Variants in CHMP6 observed in about 807,000 individuals in gnomAD.
CHMP6 encodes the protein chromatin-modifying protein 6.
CHMP6 carries 10 observed loss-of-function variants against 32.8 expected under a neutral mutation model. The ratio of observed to expected loss-of-function variants is 0.30; its 90% CI spans 0.19 to 0.52. The LOEUF is 0.52. Among genes scored for constraint, CHMP6 ranks in the 20% least tolerant of loss-of-function variants. CHMP6 has a pLI of 0.97. For missense variants in CHMP6, 269 were observed against 263.8 expected (o/e 1.02, Z -0.14); for synonymous variants, 123 against 105.8 (o/e 1.16, Z -1.00).
chr17:80,994,992 G>A (rs371377015), intron 2 of CHMP6, 27 bp from the exon 3 acceptor site: 44 of 1,571,742 alleles, frequency 2.8e-5, no homozygotes, highest in African/African-American at 2.3e-4. Flanking sequence ...GGGCCACAGC[G>A]GGTCACTCTC....
At chr17:80,998,289 G>A (rs1426364826) in intron 6 of CHMP6, 77 bp from the exon 7 acceptor site, 27 of 1,516,442 alleles carry the variant, frequency 1.8e-5, no homozygotes, top group African/African-American at 5.5e-5. Flanking sequence ...GACAGGATCC[G>A]TGTCCTCTCG....
intron 6 of CHMP6, among the ~76,000 whole-genome samples, chr17:80,997,767 T>A (rs953945375): frequency 1.3e-5 from 2 of 152,128 alleles, no homozygotes; most frequent in Non-Finnish European, 2.9e-5. Flanking sequence ...TGTGGGCCCC[T>A]GCCTCAGTCC....
Position 80,994,606 on chromosome 17 carries a change from T to C in CHMP6, c.89T>C (p.Leu30Pro). ...ILQLKQQRDK[L>P]RQYQKRIAQQ... ...CAACTGAAGCAGCAGCGGGACAAGC[T>C]GAGGCAGTACCAGAAGAGGATCGCC... The change falls in exon 2 of 8, where the codon CTG becomes CCG. Residue 30 changes from leucine to proline, a missense_variant. Coordinates refer to ENST00000325167, the MANE Select transcript of CHMP6 (RefSeq NM_024591.5). The C allele has an allele frequency of 6.3e-7, 1 of 1,583,122 alleles. No homozygotes were observed.
rs2069667380 is a variant in CHMP6 at position 80,999,457 on chromosome 17, T to C, written c.*304T>C. 1 of 399,194 alleles carries C rather than the reference T, an allele frequency of 2.5e-6. No homozygotes were observed. Among genetic ancestry groups the C allele is most frequent in the Non-Finnish European group, 4.7e-6 (1 of 213,516 alleles). 24.7% of individuals were successfully genotyped at this position (399,194 alleles called of 1,614,324 possible). ...CCCAGGCCCAACGCCTCTGGTGCTG[T>C]TCCCCTGCAGTCCCAGCCCCGCGTG... is the stretch of plus-strand genomic sequence containing the variant. On this transcript the variant is annotated 3_prime_UTR_variant, in exon 8 of 8. Transcript: ENST00000325167.
At chr17:80,998,983 C>G (rs2069662700) in intron 7 of CHMP6, 115 bp from the exon 8 acceptor site, 2 of 1,212,502 alleles carry the variant, frequency 1.6e-6, no homozygotes, top group Non-Finnish European at 2.4e-6. Context: ...GCGTGCCCTT[C>G]CCTAGTGCGA....
In CHMP6 at chr17:80,991,988, G is replaced by T. The variant is rs1473080776; in HGVS notation, c.63+7G>T. ...GCAGGACAAGGCCATCCTGGTGAGGGCCCGGGCCCGGGGTCAGGGCTGGGG... is the reference window on the plus strand; with the variant it reads ...GCAGGACAAGGCCATCCTGGTGAGGTCCCGGGCCCGGGGTCAGGGCTGGGG... On this transcript the variant is annotated splice_region_variant and intron_variant, in intron 1 of 7. Transcript: ENST00000325167. 1 of 1,419,056 alleles carries T rather than the reference G, an allele frequency of 7.0e-7. No homozygotes were observed. Among genetic ancestry groups the T allele is most frequent in the Non-Finnish European group, 9.3e-7 (1 of 1,074,656 alleles). The allele number at this position is 1,419,056 out of a possible 1,614,324, so 87.9% of individuals were successfully genotyped here.
At chr17:80,992,690 G>C (rs1464864042) in intron 1 of CHMP6, among the ~76,000 whole-genome samples, 1 of 152,184 alleles carries the variant, frequency 6.6e-6, no homozygotes, top group African/African-American at 2.4e-5. Context: ...GGCCGGTGGT[G>C]GTGCCTTTTC....
intron 6 of CHMP6, among the ~76,000 whole-genome samples, chr17:80,997,596 T>C (rs2069650261): frequency 6.6e-6 from 1 of 152,088 alleles, no homozygotes; most frequent in Non-Finnish European, 1.5e-5. Flanking sequence ...CTCGGCCCCT[T>C]TCTGTCCCCG....
chr17:80,999,421 G>A lies in CHMP6; in HGVS notation c.*268G>A, dbSNP rs1461965930. 2.4e-5 allele frequency: 11 copies of A among 461,110 alleles called. No homozygotes were observed. The highest frequency in any genetic ancestry group is 8.1e-5 in the East Asian group (2 of 24,566). 28.6% of individuals were successfully genotyped at this position (461,110 alleles called of 1,614,324 possible). A position where few individuals can be genotyped will look rare whatever the true frequency, so the allele number is the denominator to read the frequency against. The stretch of plus-strand genomic sequence containing the variant: ...GCTTCTGCCGGTTGTGGGCTCCCCC[G>A]GTGGCCGAGGCCCAGGCCCAACGCC... On this transcript the variant is annotated 3_prime_UTR_variant, in exon 8 of 8. Transcript: ENST00000325167.
At chr17:80,997,386 AC>A in intron 6 of CHMP6, 45 bp downstream of exon 6, 1 of 1,545,982 alleles carries the variant, frequency 6.5e-7, no homozygotes, top group Non-Finnish European at 8.9e-7. Context: ...AGGCAGCGGG[AC>A]CCCCAGAGCT....
chr17:80,996,955 G>T lies in CHMP6; in HGVS notation c.349-52G>T, dbSNP rs577285126. ...AGAGCCCAGGAGGCCTCTGTCGGGGGTCTACCATTGGCCTCGCGACAGGGG... is the reference window on the plus strand; with the variant it reads ...AGAGCCCAGGAGGCCTCTGTCGGGGTTCTACCATTGGCCTCGCGACAGGGG... On this transcript the variant is annotated intron_variant, in intron 4 of 7. Coordinates refer to ENST00000325167, the MANE Select transcript of CHMP6 (RefSeq NM_024591.5). The T allele has an allele frequency of 1.3e-5, 21 of 1,565,006 alleles. 1 individual carries two copies. The highest frequency in any genetic ancestry group is 9.1e-5 in the East Asian group (4 of 44,148).
At chr17:80,992,096 CTG>C in intron 1 of CHMP6, 115 bp downstream of exon 1, 1 of 678,834 alleles carries the variant, frequency 1.5e-6, no homozygotes, top group Non-Finnish European at 2.0e-6. Context: ...GATGGGGAAA[CTG>C]AGGCGCAGCG....
chr17:80,994,496 C>A, intron 1 of CHMP6, 85 bp from the exon 2 acceptor site: 1 of 1,261,154 alleles, frequency 7.9e-7, no homozygotes. Flanking sequence ...CGGAGGGCCG[C>A]CCGGCCTCCA....
intron 7 of CHMP6, chr17:80,998,785 C>T (rs1197863736): frequency 1.1e-6 from 1 of 927,716 alleles, no homozygotes; most frequent in South Asian, 1.8e-5. Context: ...CCAACCTGCC[C>T]ACTGGGAAGC....
intron 1 of CHMP6, 96 bp from the exon 2 acceptor site, chr17:80,994,485 A>G (rs1240322114): frequency 9.0e-7 from 1 of 1,114,656 alleles, no homozygotes; most frequent in Non-Finnish European, 1.3e-6. Context: ...AAGGACACTC[A>G]CGGAGGGCCG....
chr17:80,997,064 T>C lies in CHMP6; in HGVS notation c.406T>C (p.Tyr136His), dbSNP rs1406323010. 6.2e-7 allele frequency: 1 copy of C among 1,613,316 alleles called. No homozygotes were observed. The highest frequency in any genetic ancestry group is 8.5e-7 in the Non-Finnish European group (1 of 1,179,838). ...ILDETQEAVE[Y>H]QRQIDELLAG... ...GGACGAGACGCAGGAGGCCGTGGAG[T>C]ACCAGCGGGTAGGTGGCACCCTGAC... Residue 136 changes from tyrosine to histidine, a missense_variant, in exon 5 of 8, where the codon TAC (tyrosine) becomes CAC (histidine). Transcript: ENST00000325167.
intron 6 of CHMP6, among the ~76,000 whole-genome samples, chr17:80,997,619 G>A (rs927060340): frequency 6.6e-6 from 1 of 152,120 alleles, no homozygotes; most frequent in Admixed American, 6.5e-5. Flanking sequence ...TGTCACGGAT[G>A]TGGTGCTGGC....
intron 1 of CHMP6, among the ~76,000 whole-genome samples, chr17:80,993,472 C>G (rs984619145): frequency 6.6e-6 from 1 of 152,144 alleles, no homozygotes; most frequent in African/African-American, 2.4e-5. Flanking sequence ...GAGGGGGAGA[C>G]TCCGTGGGTG....
At chr17:80,993,115 C>T (rs4969331) in intron 1 of CHMP6, among the ~76,000 whole-genome samples, 93,524 of 151,974 alleles carry the variant, frequency 0.62, 29,075 homozygotes, top group African/African-American at 0.68. Flanking sequence ...AAGGACTCAG[C>T]TCCGGTTTCT....
Sources: gnomAD v4.1 joint callset for allele counts (sites outside exome capture counted in the v4.1 genomes callset) on GRCh38, gnomAD v4.1.1 for gene constraint, MANE v1.5 for transcripts, NCBI Gene and HGNC (gene_info 2026-07-23, HGNC 2026-07-21) for gene names.